Variants in KLRG1 observed in about 807,000 individuals in gnomAD.
KLRG1 encodes the protein killer cell lectin-like receptor subfamily G member 1.
KLRG1 carries 16 observed loss-of-function variants against 21.8 expected under a neutral mutation model. That is an observed-to-expected ratio of 0.73 (90% CI 0.50 to 1.11). The LOEUF (loss-of-function observed/expected upper bound fraction) is 1.11. Among genes scored for constraint, KLRG1 ranks in the 50% most tolerant of loss-of-function variants. The pLI is 0.00. For synonymous variants in KLRG1, 69 were observed against 75.9 expected, an observed-to-expected ratio of 0.91 and a Z score of 0.47; for missense variants, 173 against 218.3, an observed-to-expected ratio of 0.79 and a Z score of 1.31.
the KLRG1 span, among the ~76,000 whole-genome samples, chr12:9,144,576 G>T: frequency 6.6e-6 from 1 of 152,048 alleles, no homozygotes; most frequent in Non-Finnish European, 1.5e-5. Flanking sequence ...TCAAAGACAG[G>T]TTTATTTTGG....
chr12:9,019,881 C>T, the KLRG1 span, among the ~76,000 whole-genome samples: 178 of 152,046 alleles, frequency 1.2e-3, no homozygotes, highest in South Asian at 6.0e-3. Context: ...CCACCATGCC[C>T]GGCTCTTCCT....
the KLRG1 span, among the ~76,000 whole-genome samples, chr12:9,078,443 ATGAGCATTTG>A: frequency 6.6e-6 from 1 of 152,168 alleles, no homozygotes; most frequent in Non-Finnish European, 1.5e-5. Context: ...TCTGTCATTG[ATGAGCATTTG>A]GGTTAGTTCC....
the KLRG1 span, among the ~76,000 whole-genome samples, chr12:9,182,667 T>C: frequency 6.6e-6 from 1 of 152,190 alleles, no homozygotes; most frequent in East Asian, 1.9e-4. Flanking sequence ...CATTAAATGG[T>C]ACCAGATAAC....
At chr12:9,214,467 G>A in the KLRG1 span, among the ~76,000 whole-genome samples, 26 of 152,106 alleles carry the variant, frequency 1.7e-4, no homozygotes, top group Admixed American at 3.9e-4. Flanking sequence ...CAACTCGTGA[G>A]CATGGAGGTA....
the KLRG1 span, among the ~76,000 whole-genome samples, chr12:9,026,902 C>T: frequency 1.3e-5 from 2 of 151,900 alleles, no homozygotes; most frequent in African/African-American, 4.8e-5. Flanking sequence ...TTTGCCCAGG[C>T]TGGAGTACCG....
At chr12:9,049,818 A>G in the KLRG1 span, among the ~76,000 whole-genome samples, 1 of 152,172 alleles carries the variant, frequency 6.6e-6, no homozygotes, top group Admixed American at 6.5e-5. Flanking sequence ...TAGGGGAAGC[A>G]TATAAAAAAC....
chr12:9,157,343 G>A, the KLRG1 span: 11 of 1,613,058 alleles, frequency 6.8e-6, no homozygotes, highest in South Asian at 7.7e-5. Flanking sequence ...AGGGCATTGC[G>A]AACAATAGGG....
the KLRG1 span, among the ~76,000 whole-genome samples, chr12:9,175,861 G>A: frequency 1.3e-5 from 2 of 152,172 alleles, no homozygotes; most frequent in Admixed American, 6.5e-5. Context: ...CTGTTGTGGG[G>A]AGTGTAAATT....
the KLRG1 span, chr12:9,068,221 T>C: frequency 6.2e-7 from 1 of 1,602,898 alleles, no homozygotes; most frequent in Admixed American, 1.7e-5. Context: ...AATTGCAAAC[T>C]CATCTGAAAA....
At chr12:9,014,494 G>T (rs1454983842), downstream of KLRG1, among the ~76,000 whole-genome samples, 1 of 152,090 alleles carries the variant, frequency 6.6e-6, no homozygotes, top group Non-Finnish European at 1.5e-5. Flanking sequence ...TTACCCTAGA[G>T]TAATGTATCC....
chr12:9,214,853 G>C, the KLRG1 span, among the ~76,000 whole-genome samples: 1 of 151,738 alleles, frequency 6.6e-6, no homozygotes, highest in Non-Finnish European at 1.5e-5. Context: ...GCTATTTAAT[G>C]GAGTAACCAG....
chr12:9,118,637 A>C, the KLRG1 span, among the ~76,000 whole-genome samples: 2 of 151,970 alleles, frequency 1.3e-5, no homozygotes, highest in African/African-American at 2.4e-5. Context: ...CTATATCCTA[A>C]CCTTATTTTT....
chr12:8,956,148 C>T (rs1257902961), intron 1 of KLRG1, among the ~76,000 whole-genome samples: 3 of 152,148 alleles, frequency 2.0e-5, no homozygotes, highest in Non-Finnish European at 2.9e-5. Context: ...GACAAGAACT[C>T]GGGACCTGCC....
At chr12:9,056,513 A>G in the KLRG1 span, among the ~76,000 whole-genome samples, 1 of 152,088 alleles carries the variant, frequency 6.6e-6, no homozygotes, top group Non-Finnish European at 1.5e-5. Flanking sequence ...TTCTCTCCAT[A>G]AATCAGTATA....
the KLRG1 span, among the ~76,000 whole-genome samples, chr12:9,023,098 C>G: frequency 6.6e-6 from 1 of 152,166 alleles, no homozygotes; most frequent in African/African-American, 2.4e-5. Flanking sequence ...GTCAAGGATA[C>G]CTAGATTTAG....
the KLRG1 span, among the ~76,000 whole-genome samples, chr12:9,185,557 C>T: frequency 6.6e-6 from 1 of 151,802 alleles, no homozygotes; most frequent in African/African-American, 2.4e-5. Flanking sequence ...CTAGAGAGGC[C>T]AAATTCATAT....
At chr12:9,003,563 T>G (rs559102927) in intron 3 of KLRG1, among the ~76,000 whole-genome samples, 1 of 152,076 alleles carries the variant, frequency 6.6e-6, no homozygotes, top group Non-Finnish European at 1.5e-5. Context: ...ATCTTGAAAA[T>G]TACAGTGTCA....
At chr12:9,029,359 G>A in the KLRG1 span, among the ~76,000 whole-genome samples, 1 of 152,060 alleles carries the variant, frequency 6.6e-6, no homozygotes. Context: ...GGGATTACAG[G>A]CATGTGCCAC....
the KLRG1 span, among the ~76,000 whole-genome samples, chr12:9,018,949 A>T: frequency 2.6e-5 from 4 of 152,286 alleles, no homozygotes; most frequent in Admixed American, 2.6e-4. Flanking sequence ...CCAGTTAAAA[A>T]CTTCTACCCA....
Sources: gnomAD v4.1 joint callset for allele counts (sites outside exome capture counted in the v4.1 genomes callset) on GRCh38, gnomAD v4.1.1 for gene constraint, MANE v1.5 for transcripts, NCBI Gene and HGNC (gene_info 2026-07-23, HGNC 2026-07-21) for gene names.